Variants in JMJD1C observed in about 807,000 individuals in gnomAD.
JMJD1C encodes jumonji domain containing 1C.
JMJD1C carries 31 observed loss-of-function variants against 245.3 expected under a neutral mutation model. The observed-to-expected ratio is 0.13, with a 90% CI of 0.09 to 0.17. JMJD1C has a LOEUF of 0.17. JMJD1C is among the 10% of genes least tolerant of loss of function. The pLI is 1.00. For missense variants in JMJD1C, 2,691 were observed against 3,000.2 expected (o/e 0.90, Z 2.41); for synonymous variants, 1,057 against 1,017.4 (o/e 1.04, Z -0.74).
chr10:63,411,733 G>A (rs1247914842), intron 1 of JMJD1C, among the ~76,000 whole-genome samples: 1 of 151,442 alleles, frequency 6.6e-6, no homozygotes, highest in East Asian at 1.9e-4. Flanking sequence ...CTCCTAAGTA[G>A]CTGGGACTAC....
chr10:63,340,315 C>A (rs1053893609), intron 2 of JMJD1C, among the ~76,000 whole-genome samples: 4 of 152,194 alleles, frequency 2.6e-5, no homozygotes, highest in African/African-American at 9.7e-5. Flanking sequence ...CACATGTGTG[C>A]ACATAAAGTT....
intron 22 of JMJD1C, 62 bp from the exon 23 acceptor site, chr10:63,177,918 A>G: frequency 6.4e-7 from 1 of 1,555,228 alleles, no homozygotes; most frequent in Non-Finnish European, 8.7e-7. Flanking sequence ...CAAGTCTCCT[A>G]AAGTTGATCT....
rs1430476418 is a variant in JMJD1C, at chr10:63,465,966, G to T, written c.-304C>A. 4 of 504,128 alleles carry T rather than the reference G, an allele frequency of 7.9e-6. No individual in the cohort carries two copies. Among genetic ancestry groups the T allele is most frequent in the East Asian group, 7.8e-5 (2 of 25,706 alleles). The allele number at this position is 504,128 out of a possible 1,614,324, so 31.2% of individuals were successfully genotyped here. On this transcript the variant is annotated 5_prime_UTR_variant, in exon 1 of 26. Transcript: ENST00000399262. ...GCAGCCCAGCCGCCGCCACCGCGCCGCGGCCAGTACTGCTCCGTCTCCCTC... is the reference window on the plus strand; with the variant it reads ...GCAGCCCAGCCGCCGCCACCGCGCCTCGGCCAGTACTGCTCCGTCTCCCTC...
intron 1 of JMJD1C, among the ~76,000 whole-genome samples, chr10:63,399,447 T>C (rs1948716866): frequency 6.6e-6 from 1 of 152,148 alleles, no homozygotes; most frequent in Non-Finnish European, 1.5e-5. Context: ...CTAGGCCTTT[T>C]TACAGTGGTC....
At chr10:63,504,787 T>C (rs1347914727) in intron 1 of JMJD1C, among the ~76,000 whole-genome samples, 1 of 152,070 alleles carries the variant, frequency 6.6e-6, no homozygotes, top group Non-Finnish European at 1.5e-5. Flanking sequence ...ACATCTATAA[T>C]CCCAGCACAC....
rs1847858188 is a variant in JMJD1C, at chr10:63,215,369, T to C, written c.909A>G (p.Gln303=). 1 of 1,614,200 alleles carries C rather than the reference T, an allele frequency of 6.2e-7. No individual in the cohort carries two copies. The highest frequency in any genetic ancestry group is 2.2e-5 in the East Asian group (1 of 44,886). Residue 303 remains glutamine, a synonymous_variant, in exon 7 of 26, where the codon CAA becomes CAG. Coordinates refer to ENST00000399262, the MANE Select transcript of JMJD1C (RefSeq NM_032776.3). ...AAVPKQNTHQ[Q]QQQRSIRPNK... is the part of the protein sequence containing the mutation. ...TTGGACGGATACTTCTTTGTTGCTG[T>C]TGCTGGTGTGTATTCTGTTTTGGTA...
chr10:63,459,103 C>T (rs1354133194), intron 1 of JMJD1C, among the ~76,000 whole-genome samples: 5 of 152,188 alleles, frequency 3.3e-5, no homozygotes, highest in African/African-American at 9.7e-5. Context: ...TAATATAGCA[C>T]AGTTCCTAGG....
intron 3 of JMJD1C, among the ~76,000 whole-genome samples, chr10:63,243,104 TA>T (rs1851701595): frequency 6.5e-5 from 2 of 30,802 alleles, no homozygotes; most frequent in African/African-American, 4.3e-4. Context: ...TAACATAAAT[TA>T]TATATATATA....
Position 63,455,585 on chromosome 10 carries a change from A to T in JMJD1C, c.168+9910T>A, listed in dbSNP as rs1435875265. 2.0e-5 allele frequency among the ~76,000 whole-genome samples: 3 copies of T among 152,252 alleles called. No homozygotes were observed. The East Asian group carries it at 5.8e-4, about 29-fold the overall frequency. On this transcript the variant is annotated intron_variant, in intron 1 of 25. Coordinates refer to ENST00000399262, the MANE Select transcript of JMJD1C (RefSeq NM_032776.3). ...GCTCTTCATTTGCTATTTCCCTTGT[A>T]TTAAGCTACCAGATTCAGATTTTTT...
chr10:63,488,746 T>C (rs905417870), intron 1 of JMJD1C, among the ~76,000 whole-genome samples: 1 of 152,228 alleles, frequency 6.6e-6, no homozygotes, highest in Admixed American at 6.5e-5. Flanking sequence ...TATGTTATAG[T>C]ATGGCATAAA....
At chr10:63,457,652 TGA>T (rs1215482722) in intron 1 of JMJD1C, among the ~76,000 whole-genome samples, 1 of 151,926 alleles carries the variant, frequency 6.6e-6, no homozygotes. Context: ...GCTATAGAAA[TGA>T]AGAAAGAGAA....
At chr10:63,461,473 G>C (rs1267806728) in intron 1 of JMJD1C, among the ~76,000 whole-genome samples, 1 of 152,108 alleles carries the variant, frequency 6.6e-6, no homozygotes, top group Non-Finnish European at 1.5e-5. Context: ...AAGCAGAAAT[G>C]TGTAGACCCA....
chr10:63,230,712 T>G (rs920920931), intron 3 of JMJD1C, among the ~76,000 whole-genome samples: 1 of 151,496 alleles, frequency 6.6e-6, no homozygotes, highest in African/African-American at 2.4e-5. Flanking sequence ...CAAGCAGAAA[T>G]TGCAGTGAGA....
At chr10:63,171,606 T>C (rs546976902) in intron 24 of JMJD1C, among the ~76,000 whole-genome samples, 1 of 152,288 alleles carries the variant, frequency 6.6e-6, no homozygotes, top group South Asian at 2.1e-4. Context: ...ATTTGTGTGG[T>C]TTCCAAAGTG....
chr10:63,202,474 CTGAG>C, intron 10 of JMJD1C: 1 of 985,194 alleles, frequency 1.0e-6, no homozygotes, highest in Non-Finnish European at 1.2e-6. Flanking sequence ...AGCTATTCTC[CTGAG>C]ACTACGTACT....
intron 1 of JMJD1C, among the ~76,000 whole-genome samples, chr10:63,458,299 AAC>A (rs1952547916): frequency 2.6e-5 from 4 of 152,112 alleles, no homozygotes; most frequent in South Asian, 4.1e-4. Context: ...CAGCCTGGGC[AAC>A]ACAGTCAGAC....
intron 8 of JMJD1C, among the ~76,000 whole-genome samples, chr10:63,211,316 A>G (rs556778873): frequency 6.6e-6 from 1 of 152,154 alleles, no homozygotes; most frequent in South Asian, 2.1e-4. Flanking sequence ...AATACAAAAA[A>G]TTAGCCAGGT....
chr10:63,506,442 C>A (rs931989271), intron 1 of JMJD1C, among the ~76,000 whole-genome samples: 1 of 152,166 alleles, frequency 6.6e-6, no homozygotes, highest in African/African-American at 2.4e-5. Flanking sequence ...TTAAACTATG[C>A]TTCTTGAACA....
chr10:63,464,625 A>G (rs567909166), intron 1 of JMJD1C, among the ~76,000 whole-genome samples: 4 of 152,216 alleles, frequency 2.6e-5, no homozygotes, highest in South Asian at 4.2e-4. Context: ...ACAACAGAGC[A>G]TATTACAGCT....
Sources: gnomAD v4.1 joint callset for allele counts (sites outside exome capture counted in the v4.1 genomes callset) on GRCh38, gnomAD v4.1.1 for gene constraint, MANE v1.5 for transcripts, NCBI Gene and HGNC (gene_info 2026-07-23, HGNC 2026-07-21) for gene names.